The following TP53INP1 variants were observed in gnomAD, a reference collection of about 807,000 sequenced individuals.
TP53INP1 encodes tumor protein p53 inducible nuclear protein 1.
A neutral mutation model predicts 21.0 loss-of-function variants in TP53INP1; 12 were observed. The ratio of observed to expected loss-of-function variants is 0.57; its 90% CI spans 0.37 to 0.93. TP53INP1 has a LOEUF of 0.93. Among genes scored for constraint, TP53INP1 ranks in the 40% least tolerant of loss-of-function variants. TP53INP1 has a pLI of 0.01. For synonymous variants in TP53INP1, 91 were observed against 94.8 expected (o/e 0.96, Z 0.23); for missense variants, 274 against 294.7 (o/e 0.93, Z 0.51).
At chr8:94,935,497 A>T (rs1286418431) in intron 3 of TP53INP1, among the ~76,000 whole-genome samples, 1 of 152,254 alleles carries the variant, frequency 6.6e-6, no homozygotes, top group Non-Finnish European at 1.5e-5. Flanking sequence ...GGCAGAGATT[A>T]CAAGAAAAGT....
intron 3 of TP53INP1, among the ~76,000 whole-genome samples, chr8:94,936,105 C>T (rs974456758): frequency 6.6e-6 from 1 of 152,118 alleles, no homozygotes; most frequent in African/African-American, 2.4e-5. Flanking sequence ...GCACTTTGGA[C>T]TAGAGAATTT....
At chr8:94,931,691 T>A (rs1820416529) in intron 3 of TP53INP1, among the ~76,000 whole-genome samples, 1 of 152,134 alleles carries the variant, frequency 6.6e-6, no homozygotes, top group Non-Finnish European at 1.5e-5. Context: ...AAATTATTTT[T>A]AGGCCAGGCG....
chr8:94,946,611 C>A (rs973704124), intron 1 of TP53INP1, among the ~76,000 whole-genome samples: 1 of 146,204 alleles, frequency 6.8e-6, no homozygotes, highest in Non-Finnish European at 1.5e-5. Context: ...GTAGGAGGAT[C>A]GCTTGAGCCC....
At chr8:94,947,980 C>T (rs955101085) in intron 1 of TP53INP1, among the ~76,000 whole-genome samples, 2 of 152,178 alleles carry the variant, frequency 1.3e-5, no homozygotes, top group African/African-American at 4.8e-5. Flanking sequence ...ATTTCAGTAT[C>T]GTGGGGGAAC....
rs764025798 is a variant in TP53INP1, at chr8:94,940,108, G to A, written c.225C>T (p.Cys75=). The A allele has an allele frequency of 6.2e-7, 1 of 1,614,080 alleles. No individual in the cohort carries two copies. The highest frequency in any genetic ancestry group is 1.3e-5 in the African/African-American group (1 of 74,918). Reference sequence around the variant, plus strand: ...AGCAGGAATCACTTGTATCAGCCAAGCACTCAAGAGATGCCGGTAAACAGG... The same window carrying A: ...AGCAGGAATCACTTGTATCAGCCAAACACTCAAGAGATGCCGGTAAACAGG... ...VFSCLPASLE[C]LADTSDSCFL... Residue 75 remains cysteine, a synonymous_variant, in exon 3 of 4, where the codon TGC becomes TGT. Coordinates refer to ENST00000342697, the MANE Select transcript of TP53INP1 (RefSeq NM_033285.4).
At chr8:94,946,526 C>T in intron 1 of TP53INP1, among the ~76,000 whole-genome samples, 1 of 151,316 alleles carries the variant, frequency 6.6e-6, no homozygotes, top group Admixed American at 6.6e-5. Flanking sequence ...CAAAGCAAGA[C>T]CCCATCTCTA....
intron 1 of TP53INP1, among the ~76,000 whole-genome samples, chr8:94,946,231 T>C (rs1253072984): frequency 6.6e-6 from 1 of 152,102 alleles, no homozygotes; most frequent in Non-Finnish European, 1.5e-5. Context: ...ATTACATGAG[T>C]AGAGATGCTT....
intron 3 of TP53INP1, among the ~76,000 whole-genome samples, chr8:94,938,161 T>TA (rs1821174475): frequency 6.6e-6 from 1 of 152,224 alleles, no homozygotes; most frequent in Non-Finnish European, 1.5e-5. Flanking sequence ...ACGTGTTTGC[T>TA]AAAACCATTT....
chr8:94,941,822 G>GT (rs750316005), intron 1 of TP53INP1, among the ~76,000 whole-genome samples: 4 of 152,148 alleles, frequency 2.6e-5, no homozygotes, highest in Non-Finnish European at 5.9e-5. Context: ...GGGAGTTCTG[G>GT]TGAGTTCTAA....
chr8:94,934,550 T>C (rs1820777395), intron 3 of TP53INP1, among the ~76,000 whole-genome samples: 1 of 152,006 alleles, frequency 6.6e-6, no homozygotes, highest in South Asian at 2.1e-4. Flanking sequence ...CAAGCCTGGC[T>C]AATTTTTGTA....
At chr8:94,931,501 G>C (rs1304998511) in intron 3 of TP53INP1, among the ~76,000 whole-genome samples, 1 of 152,068 alleles carries the variant, frequency 6.6e-6, no homozygotes, top group African/African-American at 2.4e-5. Flanking sequence ...AACATGAAGA[G>C]CTGTATGATT....
intron 3 of TP53INP1, among the ~76,000 whole-genome samples, chr8:94,933,196 A>G (rs985552911): frequency 7.2e-5 from 11 of 152,224 alleles, no homozygotes; most frequent in African/African-American, 2.7e-4. Flanking sequence ...AGCCTGGGCA[A>G]CAGTGAGACT....
At chr8:94,940,244 T>G (rs1346486072) in intron 2 of TP53INP1, 24 bp from the exon 3 acceptor site, 2 of 1,577,242 alleles carry the variant, frequency 1.3e-6, no homozygotes, top group Admixed American at 3.5e-5. Context: ...CACATTGCAG[T>G]CCACATGTGT....
chr8:94,940,999 C>A lies in TP53INP1; in HGVS notation c.-58G>T. 1 of 1,392,958 alleles carries A rather than the reference C, an allele frequency of 7.2e-7. No individual in the cohort carries two copies. The highest frequency in any genetic ancestry group is 1.0e-6 in the Non-Finnish European group (1 of 992,426). The allele number at this position is 1,392,958 out of a possible 1,614,324, so 86.3% of individuals were successfully genotyped here. A position where few individuals can be genotyped will look rare whatever the true frequency, so the allele number is the denominator to read the frequency against. On this transcript the variant is annotated 5_prime_UTR_variant, in exon 2 of 4. In the 5' UTR this introduces an upstream ATG that the reference lacks. Coordinates refer to ENST00000342697, the MANE Select transcript of TP53INP1 (RefSeq NM_033285.4). Reference sequence around the variant, plus strand: ...TCTTTTATAGCTGAGATTTCAAAACCTTGTCTTTAGTTGGCCCAATGGTAC... The same window carrying A: ...TCTTTTATAGCTGAGATTTCAAAACATTGTCTTTAGTTGGCCCAATGGTAC...
chr8:94,940,335 AAG>A, intron 2 of TP53INP1, 115 bp from the exon 3 acceptor site: 1 of 1,251,030 alleles, frequency 8.0e-7, no homozygotes, highest in Non-Finnish European at 1.1e-6. Context: ...AGCACAGAAA[AAG>A]AAGAGATGAT....
rs1458063763 is a variant in TP53INP1 at position 94,949,361 on chromosome 8, T to C, written c.-358A>G. 2.0e-5 allele frequency: 3 copies of C among 150,496 alleles called. No homozygotes were observed. The highest frequency in any genetic ancestry group is 4.4e-5 in the Non-Finnish European group (3 of 67,538). The allele number at this position is 150,496 out of a possible 1,614,324, so 9.3% of individuals were successfully genotyped here. On this transcript the variant is annotated 5_prime_UTR_variant, in exon 1 of 4. Transcript: ENST00000342697. ...CCGGCCAGTCCAAGTCCTTTTGTTG[T>C]TGTGCAGCGCTCGCAACAGCTGATC... is the stretch of plus-strand genomic sequence containing the variant.
intron 1 of TP53INP1, among the ~76,000 whole-genome samples, chr8:94,947,079 G>GCTGAGGAATTAACTAA (rs1660007406): frequency 6.6e-6 from 1 of 152,172 alleles, no homozygotes; most frequent in African/African-American, 2.4e-5. Context: ...GGAAACCGAG[G>GCTGAGGAATTAACTAA]CTGAGGAATT....
chr8:94,937,331 C>G (rs866873287), intron 3 of TP53INP1, among the ~76,000 whole-genome samples: 11 of 151,564 alleles, frequency 7.3e-5, no homozygotes, highest in African/African-American at 2.4e-4. Context: ...ATCCCAGCTA[C>G]TTGGGAGGCT....
rs1405410633 is a variant in TP53INP1, at chr8:94,939,922, G to A, written c.411C>T (p.Ser137=). The A allele has an allele frequency of 6.2e-7, 1 of 1,614,168 alleles. No individual in the cohort carries two copies. Among genetic ancestry groups the A allele is most frequent in the Non-Finnish European group, 8.5e-7 (1 of 1,180,028 alleles). Reference sequence around the variant, plus strand: ...GGGTGGCCTCACTGAGACCAGGGCAGGAGTTATGCACAGCATAGACAGACA... The same window carrying A: ...GGGTGGCCTCACTGAGACCAGGGCAAGAGTTATGCACAGCATAGACAGACA... ...PSMSVYAVHN[S]CPGLSEATRG... The change falls in exon 3 of 4, where the codon TCC becomes TCT. Residue 137 remains serine, a synonymous_variant. Coordinates refer to ENST00000342697, the MANE Select transcript of TP53INP1 (RefSeq NM_033285.4).
Sources: gnomAD v4.1 joint callset for allele counts (sites outside exome capture counted in the v4.1 genomes callset) on GRCh38, gnomAD v4.1.1 for gene constraint, MANE v1.5 for transcripts, NCBI Gene and HGNC (gene_info 2026-07-23, HGNC 2026-07-21) for gene names.